Variants in SNX16 observed in about 807,000 individuals in gnomAD.
The protein encoded by SNX16 is sorting nexin-16.
A neutral mutation model predicts 36.7 loss-of-function variants in SNX16; 35 were observed. That is an observed-to-expected ratio of 0.95 (90% CI 0.73 to 1.27). The LOEUF (loss-of-function observed/expected upper bound fraction) is 1.27, where lower values mean the gene tolerates loss of function less well. Among genes scored for constraint, SNX16 ranks in the 50% most tolerant of loss-of-function variants. The probability of loss-of-function intolerance (pLI) is 0.00; values close to 1 mark genes in which losing one functional copy is unlikely to be tolerated. For missense variants in SNX16, 367 were observed against 393.6 expected, an observed-to-expected ratio of 0.93 and a Z score of 0.57; for synonymous variants, 134 against 132.0, an observed-to-expected ratio of 1.02 and a Z score of -0.10.
chr8:81,827,278 C>T (rs56125566), intron 3 of SNX16, among the ~76,000 whole-genome samples: 37,698 of 151,874 alleles, frequency 0.25, 5,227 homozygotes, highest in East Asian at 0.37. Flanking sequence ...AGGAAGTAAA[C>T]ACTAAATAAC....
intron 1 of SNX16, among the ~76,000 whole-genome samples, chr8:81,841,036 C>A (rs1178090857): frequency 6.6e-6 from 1 of 152,154 alleles, no homozygotes; most frequent in Non-Finnish European, 1.5e-5. Context: ...TGGAAAGATG[C>A]TGAAATAAGA....
chr8:81,808,184 C>A, intron 5 of SNX16: 1 of 1,331,860 alleles, frequency 7.5e-7, no homozygotes, highest in Non-Finnish European at 1.1e-6. Flanking sequence ...GAAATCATGA[C>A]TGACCAAGGC....
chr8:81,803,057 T>C (rs773922967), intron 6 of SNX16, 35 bp downstream of exon 6: 2 of 1,553,620 alleles, frequency 1.3e-6, no homozygotes, highest in Non-Finnish European at 1.7e-6. Context: ...AAGGGTTGAA[T>C]TAGTCAGAGT....
intron 4 of SNX16, among the ~76,000 whole-genome samples, chr8:81,819,218 CT>C (rs1164019453): frequency 6.6e-6 from 1 of 151,944 alleles, no homozygotes; most frequent in African/African-American, 2.4e-5. Context: ...ATGTGAAGTA[CT>C]TCTAAAAATG....
Position 81,826,999 on chromosome 8 carries a change from T to C in SNX16, c.462+2431A>G, listed in dbSNP as rs553208717. The stretch of plus-strand genomic sequence containing the variant: ...TTATTTTTTACAATTATATCAATGA[T>C]AACTACAATTTAAACTGTGTGTTTC... On this transcript the variant is annotated intron_variant, in intron 3 of 7. Coordinates refer to ENST00000345957, the MANE Select transcript of SNX16 (RefSeq NM_152836.3). 2.2e-4 allele frequency among the ~76,000 whole-genome samples: 33 copies of C among 152,314 alleles called. No homozygotes were observed. The South Asian group carries it at 3.1e-3, about 14-fold the overall frequency.
chr8:81,820,410 T>G (rs1333645830), intron 4 of SNX16, among the ~76,000 whole-genome samples: 1 of 152,106 alleles, frequency 6.6e-6, no homozygotes, highest in Non-Finnish European at 1.5e-5. Flanking sequence ...GTAGTACTGA[T>G]GGCAGAATCA....
At chr8:81,812,962 A>AAGT (rs1379409845) in intron 5 of SNX16, among the ~76,000 whole-genome samples, 1 of 151,998 alleles carries the variant, frequency 6.6e-6, no homozygotes, top group African/African-American at 2.4e-5. Flanking sequence ...AAATAAGAAA[A>AAGT]AGTAAAAAAT....
rs191271092 is a variant in SNX16, at chr8:81,814,210, A to G, written c.681+1115T>C. Among the ~76,000 whole-genome samples, 65 of 152,176 alleles carry G rather than the reference A, an allele frequency of 4.3e-4. 1 individual carries two copies. The highest frequency in any genetic ancestry group is 3.0e-3 in the Admixed American group (46 of 15,278). On this transcript the variant is annotated intron_variant, in intron 5 of 7. Transcript: ENST00000345957. ...TGACTGGATAAACAAAATGTGGTAT[A>G]TGCAAACAATGAAAAACCATTTAGT...
chr8:81,829,995 A>G (rs1811180931), intron 2 of SNX16, among the ~76,000 whole-genome samples: 1 of 152,230 alleles, frequency 6.6e-6, no homozygotes, highest in African/African-American at 2.4e-5. Flanking sequence ...GCATCCAAAT[A>G]GGAAAAGAAG....
At chr8:81,821,299 G>A (rs544863373) in intron 4 of SNX16, among the ~76,000 whole-genome samples, 1 of 151,892 alleles carries the variant, frequency 6.6e-6, no homozygotes, top group African/African-American at 2.4e-5. Flanking sequence ...ATCTCAAATG[G>A]CCCTAGTAAT....
intron 2 of SNX16, among the ~76,000 whole-genome samples, chr8:81,831,767 C>G (rs1258830737): frequency 1.4e-5 from 2 of 147,282 alleles, no homozygotes; most frequent in African/African-American, 5.0e-5. Flanking sequence ...AAGACATGAA[C>G]AGATACTTCT....
chr8:81,841,215 C>G (rs1811751049), intron 1 of SNX16, among the ~76,000 whole-genome samples: 1 of 151,970 alleles, frequency 6.6e-6, no homozygotes, highest in Admixed American at 6.6e-5. Flanking sequence ...GTGGCGCAGG[C>G]CTATAATCCC....
At chr8:81,826,357 G>A (rs1255960611) in intron 3 of SNX16, among the ~76,000 whole-genome samples, 3 of 152,128 alleles carry the variant, frequency 2.0e-5, no homozygotes, top group Non-Finnish European at 2.9e-5. Flanking sequence ...CAATGAGTTG[G>A]TAAGGTCCTG....
At chr8:81,812,284 A>C (rs935075459) in intron 5 of SNX16, among the ~76,000 whole-genome samples, 3 of 152,022 alleles carry the variant, frequency 2.0e-5, no homozygotes, top group Admixed American at 6.6e-5. Flanking sequence ...CAAATTCCAA[A>C]GTTTGATATA....
chr8:81,811,262 A>G (rs1810233368), intron 5 of SNX16, among the ~76,000 whole-genome samples: 1 of 152,188 alleles, frequency 6.6e-6, no homozygotes, highest in Non-Finnish European at 1.5e-5. Flanking sequence ...TTTAATAGGG[A>G]GTTCTGGGAA....
At chr8:81,833,388 GC>G (rs1309835683) in intron 2 of SNX16, among the ~76,000 whole-genome samples, 1 of 144,578 alleles carries the variant, frequency 6.9e-6, no homozygotes, top group African/African-American at 2.5e-5. Context: ...AAATCCTTTA[GC>G]TTTGAAGTTT....
At chr8:81,821,328 G>A (rs926315632) in intron 4 of SNX16, among the ~76,000 whole-genome samples, 4 of 151,762 alleles carry the variant, frequency 2.6e-5, no homozygotes, top group Non-Finnish European at 4.4e-5. Flanking sequence ...TAGCAACTAA[G>A]ATCTATTATC....
intron 3 of SNX16, among the ~76,000 whole-genome samples, chr8:81,825,331 T>C (rs578082473): frequency 1.3e-5 from 2 of 152,336 alleles, no homozygotes; most frequent in East Asian, 3.9e-4. Context: ...TCATTCACAA[T>C]GTAAACAGCA....
At chr8:81,807,787 T>C in intron 5 of SNX16, 3 of 716,994 alleles carry the variant, frequency 4.2e-6, no homozygotes, top group Non-Finnish European at 5.1e-6. Flanking sequence ...TAAGTCAGAG[T>C]CTCCTAAAGA....
Sources: allele counts gnomAD v4.1 joint callset (sites outside exome capture counted in the v4.1 genomes callset), GRCh38; gene constraint gnomAD v4.1.1; transcripts MANE v1.5; gene names NCBI Gene and HGNC (gene_info 2026-07-23, HGNC 2026-07-21).